AFAP1: variants seen among roughly 807,000 people sequenced by gnomAD.
The protein encoded by AFAP1 is actin filament associated protein 1, also known as actin filament-associated protein 1.
Under a neutral mutation model 93.9 loss-of-function variants are expected in AFAP1, and 75 were observed. That is an observed-to-expected ratio of 0.80 (90% CI 0.66 to 0.97). The LOEUF is 0.97. Ranked by LOEUF, AFAP1 falls within the 50% of genes least tolerant of loss-of-function variation. The probability of loss-of-function intolerance (pLI) is 0.00; values close to 1 mark genes in which losing one functional copy is unlikely to be tolerated. For synonymous variants in AFAP1, 517 were observed against 430.7 expected (o/e 1.20, Z -2.48); for missense variants, 1,201 against 1,050.8 (o/e 1.14, Z -1.98).
At chr4:7,884,553 A>C (rs1718035740) in intron 1 of AFAP1, among the ~76,000 whole-genome samples, 2 of 152,236 alleles carry the variant, frequency 1.3e-5, no homozygotes, top group South Asian at 4.1e-4. Flanking sequence ...TAAAAAGTCC[A>C]GTAATAGACC....
rs1374154828 is a variant in AFAP1 at position 7,855,491 on chromosome 4, T to C, written c.309A>G (p.Gly103=). The C allele has an allele frequency of 1.9e-6, 3 of 1,612,668 alleles. No homozygotes were observed. The highest frequency in any genetic ancestry group is 2.5e-6 in the Non-Finnish European group (3 of 1,179,228). Residue 103 remains glycine (G), a synonymous_variant, in exon 4 of 18, where the codon GGA becomes GGG. Coordinates refer to ENST00000420658, the MANE Select transcript of AFAP1 (RefSeq NM_001134647.2). ...TTGATGTGATGTATTCCGGAGCTTT[T>C]CCGGGGCTCAGCGGCACAGCTTCCT... The part of the protein sequence containing the change: ...YYEEAVPLSP[G]KAPEYITSNY...
At chr4:7,902,626 CA>C (rs1209378255) in intron 1 of AFAP1, among the ~76,000 whole-genome samples, 5 of 152,314 alleles carry the variant, frequency 3.3e-5, no homozygotes, top group Middle Eastern at 3.4e-3. Flanking sequence ...TTTCTAGGTA[CA>C]AACCTTGTGA....
chr4:7,885,000 G>A (rs1268213470), intron 1 of AFAP1, among the ~76,000 whole-genome samples: 1 of 152,130 alleles, frequency 6.6e-6, no homozygotes, highest in African/African-American at 2.4e-5. Context: ...CTGGGTCAAT[G>A]GTTACACCTT....
chr4:7,922,449 T>C (rs547406899), intron 1 of AFAP1, among the ~76,000 whole-genome samples: 12 of 152,074 alleles, frequency 7.9e-5, no homozygotes, highest in African/African-American at 2.2e-4. Context: ...TTTAAGGAGG[T>C]AGAAGTGTGG....
At chr4:7,780,423 A>G (rs1257538423) in intron 13 of AFAP1, among the ~76,000 whole-genome samples, 1 of 152,276 alleles carries the variant, frequency 6.6e-6, no homozygotes, top group African/African-American at 2.4e-5. Flanking sequence ...GAATGGAGAA[A>G]AAACAAATAT....
At chr4:7,766,717 C>T (rs1004349477) in intron 17 of AFAP1, among the ~76,000 whole-genome samples, 9 of 152,146 alleles carry the variant, frequency 5.9e-5, no homozygotes, top group Admixed American at 2.6e-4. Flanking sequence ...CCCTCGGGCA[C>T]CTCCCAGAGC....
chr4:7,810,692 G>A (rs1333824493), intron 8 of AFAP1, among the ~76,000 whole-genome samples: 3 of 152,226 alleles, frequency 2.0e-5, no homozygotes, highest in African/African-American at 4.8e-5. Flanking sequence ...GCATAAAAAT[G>A]ATGCCTGGCT....
chr4:7,855,628 T>C lies in AFAP1; in HGVS notation c.226-54A>G, dbSNP rs1032150534. ...AATTAGCATGACCATTAGAAGGAAA[T>C]TCTGGATTTCCAATTAACAGGTGTG... On this transcript the variant is annotated intron_variant, in intron 3 of 17. Transcript: ENST00000420658. 1.0e-5 allele frequency: 14 copies of C among 1,406,722 alleles called. No individual in the cohort carries two copies. The African/African-American group carries it at 1.6e-4, about 16-fold the overall frequency. 87.1% of individuals were successfully genotyped at this position (1,406,722 alleles called of 1,614,324 possible).
chr4:7,862,502 G>C (rs892592226), intron 3 of AFAP1, among the ~76,000 whole-genome samples: 1 of 151,920 alleles, frequency 6.6e-6, no homozygotes, highest in Non-Finnish European at 1.5e-5. Context: ...GGTGGTGATG[G>C]CTCCACAATA....
At chr4:7,893,192 G>C (rs1461229662) in intron 1 of AFAP1, among the ~76,000 whole-genome samples, 1 of 152,140 alleles carries the variant, frequency 6.6e-6, no homozygotes, top group Non-Finnish European at 1.5e-5. Context: ...CTTTCCATCA[G>C]GAAAATCATG....
intron 1 of AFAP1, among the ~76,000 whole-genome samples, chr4:7,894,436 A>G (rs1718647306): frequency 6.6e-6 from 1 of 152,240 alleles, no homozygotes; most frequent in African/African-American, 2.4e-5. Flanking sequence ...CTAACACAGA[A>G]GAAGCATTTA....
intron 6 of AFAP1, among the ~76,000 whole-genome samples, chr4:7,822,794 C>T (rs1215825727): frequency 1.3e-5 from 2 of 150,728 alleles, no homozygotes; most frequent in East Asian, 1.9e-4. Context: ...GGGGTTTCAC[C>T]GTGTTAGCCA....
At chr4:7,880,278 CT>C (rs35346388) in intron 1 of AFAP1, among the ~76,000 whole-genome samples, 1,995 of 120,494 alleles carry the variant, frequency 0.017, 26 homozygotes, top group African/African-American at 0.056. Flanking sequence ...ACCCAAATGC[CT>C]TTTTTTTTTT....
chr4:7,933,249 G>A (rs909443262), intron 1 of AFAP1, among the ~76,000 whole-genome samples: 3 of 151,930 alleles, frequency 2.0e-5, no homozygotes, highest in African/African-American at 4.8e-5. Context: ...GGGCTAACCA[G>A]GGAGGTCCAA....
Position 7,837,129 on chromosome 4 carries a change from T to C in AFAP1, c.726+1395A>G, listed in dbSNP as rs541340690. On this transcript the variant is annotated intron_variant, in intron 6 of 17. Transcript: ENST00000420658. Reference sequence around the variant, plus strand: ...TAAAAGAAATTTAACAATGTACAAATAGTATTTCCAGCCTGAAGAAGAAAC... The same window carrying C: ...TAAAAGAAATTTAACAATGTACAAACAGTATTTCCAGCCTGAAGAAGAAAC... Among the ~76,000 whole-genome samples, 14 of 152,248 alleles carry C rather than the reference T, an allele frequency of 9.2e-5. No homozygotes were observed. In the South Asian group the frequency reaches 2.1e-3, roughly 23 times the overall value.
intron 1 of AFAP1, among the ~76,000 whole-genome samples, chr4:7,880,310 C>G (rs1577330042): frequency 7.6e-6 from 1 of 131,662 alleles, no homozygotes; most frequent in Non-Finnish European, 1.5e-5. Flanking sequence ...GACGGAGTCT[C>G]ACTCTGTCAC....
At chr4:7,766,589 G>A (rs1053027271) in intron 17 of AFAP1, among the ~76,000 whole-genome samples, 1 of 125,702 alleles carries the variant, frequency 8.0e-6, no homozygotes, top group Non-Finnish European at 1.8e-5. Flanking sequence ...CCAGGTGACT[G>A]TGTCACGGGA....
chr4:7,824,570 C>G (rs539332127), intron 6 of AFAP1, among the ~76,000 whole-genome samples: 20 of 152,302 alleles, frequency 1.3e-4, no homozygotes, highest in African/African-American at 4.6e-4. Flanking sequence ...ACACAGTTCT[C>G]ATGGTTTTTT....
In AFAP1 at chr4:7,838,719, C is replaced by G; in HGVS notation, c.547-16G>C. On this transcript the variant is annotated splice_polypyrimidine_tract_variant and intron_variant, in intron 5 of 17. Coordinates refer to ENST00000420658, the MANE Select transcript of AFAP1 (RefSeq NM_001134647.2). ...TTTTATAGCACTGCATTCAACACAA[C>G]AAATCAACTGATATTATAAGGGAGT... The G allele has an allele frequency of 6.2e-7, 1 of 1,612,276 alleles. No homozygotes were observed. Among genetic ancestry groups the G allele is most frequent in the Non-Finnish European group, 8.5e-7 (1 of 1,178,846 alleles).
Sources: allele counts gnomAD v4.1 joint callset (sites outside exome capture counted in the v4.1 genomes callset), GRCh38; gene constraint gnomAD v4.1.1; transcripts MANE v1.5; gene names NCBI Gene and HGNC (gene_info 2026-07-23, HGNC 2026-07-21).